PRXL2A: variants seen among roughly 807,000 people sequenced by gnomAD.
PRXL2A encodes the protein peroxiredoxin like 2A.
In PRXL2A, 26 loss-of-function variants were observed where a neutral mutation model predicts 25.6. The observed-to-expected ratio is 1.02, with a 90% CI of 0.74 to 1.41. PRXL2A has a LOEUF of 1.41. Among genes scored for constraint, PRXL2A ranks in the 40% most tolerant of loss-of-function variants. PRXL2A has a pLI of 0.00. For missense variants in PRXL2A, 246 were observed against 273.9 expected (o/e 0.90, Z 0.72); for synonymous variants, 98 against 102.9 (o/e 0.95, Z 0.29).
At chr10:80,430,519 A>G (rs1845218380) in intron 5 of PRXL2A, among the ~76,000 whole-genome samples, 1 of 152,176 alleles carries the variant, frequency 6.6e-6, no homozygotes, top group African/African-American at 2.4e-5. Flanking sequence ...GGTGACATGC[A>G]CCTGTAGTCC....
intron 5 of PRXL2A, among the ~76,000 whole-genome samples, chr10:80,428,457 C>T (rs1845127563): frequency 6.6e-6 from 1 of 152,150 alleles, no homozygotes; most frequent in Admixed American, 6.6e-5. Flanking sequence ...CCAGGAGTTC[C>T]AGACCAGACC....
intron 1 of PRXL2A, among the ~76,000 whole-genome samples, chr10:80,418,109 G>A (rs1451198179): frequency 2.0e-5 from 3 of 151,670 alleles, no homozygotes; most frequent in African/African-American, 7.3e-5. Flanking sequence ...GATGGAGACT[G>A]GGCTTTTAGT....
At chr10:80,426,062 G>C in intron 4 of PRXL2A, 56 bp downstream of exon 4, 1 of 1,604,578 alleles carries the variant, frequency 6.2e-7, no homozygotes, top group Non-Finnish European at 8.5e-7. Flanking sequence ...GCTCAGCTGT[G>C]TGATAGTCAG....
chr10:80,420,333 C>A (rs2131892505), intron 1 of PRXL2A, 133 bp from the exon 2 acceptor site: 3 of 1,443,926 alleles, frequency 2.1e-6, no homozygotes, highest in Non-Finnish European at 1.8e-6. Context: ...TCCAGTCTCG[C>A]CTGTGACACT....
rs1845393586 is a variant in PRXL2A, at chr10:80,436,071, G to T, written c.*3972G>T. ...GCGGGGGTTGGGGGCGGGGTGCAGT[G>T]TAAAAATTATTAAATCAGAATCTCT... On this transcript the variant is annotated 3_prime_UTR_variant, in exon 6 of 6. Transcript: ENST00000606162. 4.7e-5 allele frequency: 7 copies of T among 148,750 alleles called. No homozygotes were observed. The allele number at this position is 148,750 out of a possible 1,614,324, so 9.2% of individuals were successfully genotyped here.
intron 1 of PRXL2A, among the ~76,000 whole-genome samples, chr10:80,411,695 A>C (rs1844480341): frequency 6.6e-6 from 1 of 152,208 alleles, no homozygotes; most frequent in Non-Finnish European, 1.5e-5. Context: ...AGAGGGAAAC[A>C]GAGGAGACCA....
At chr10:80,420,249 T>C in intron 1 of PRXL2A, 5 of 1,243,994 alleles carry the variant, frequency 4.0e-6, no homozygotes, top group Non-Finnish European at 5.0e-6. Context: ...CCTGGTGAGC[T>C]CCACGGTGCA....
chr10:80,412,783 C>G (rs996490174), intron 1 of PRXL2A, among the ~76,000 whole-genome samples: 2 of 152,150 alleles, frequency 1.3e-5, no homozygotes, highest in Non-Finnish European at 2.9e-5. Context: ...GCAACACTTG[C>G]TGAAGCCAAG....
rs139725530 is a variant in PRXL2A, at chr10:80,427,610, C to T, written c.576+114C>T. ...TCCCTGTTTTGGGTCTCCTAGCCTT[C>T]CTTCTAGCAAGCCAGGGAACATGAA... On this transcript the variant is annotated intron_variant, in intron 5 of 5. Transcript: ENST00000606162. 29 of 1,019,340 alleles carry T rather than the reference C, an allele frequency of 2.8e-5. No individual in the cohort carries two copies. The African/African-American group carries it at 3.7e-4, about 13-fold the overall frequency. The allele number at this position is 1,019,340 out of a possible 1,614,324, so 63.1% of individuals were successfully genotyped here.
Position 80,420,522 on chromosome 10 carries a change from G to A in PRXL2A, c.55G>A (p.Ala19Thr), listed in dbSNP as rs371829927. The A allele has an allele frequency of 7.4e-6, 12 of 1,613,414 alleles. No homozygotes were observed. The highest frequency in any genetic ancestry group is 1.0e-5 in the Non-Finnish European group (12 of 1,179,718). ...CACCATGGGGATGTGGTCCATTGGT[G>A]CAGGAGCCCTGGGGGCTGCTGCCTT... ...FFTMGMWSIG[A>T]GALGAAALAL... The change falls in exon 2 of 6, where the codon GCA becomes ACA. Residue 19 changes from alanine to threonine, a missense_variant. Physicochemically the swap from Ala to Thr is moderately conservative, Grantham distance 58. Transcript: ENST00000606162.
chr10:80,417,304 A>G (rs1487854372), intron 1 of PRXL2A, among the ~76,000 whole-genome samples: 1 of 152,228 alleles, frequency 6.6e-6, no homozygotes, highest in Non-Finnish European at 1.5e-5. Flanking sequence ...TCTTTAAGAA[A>G]AATCCTGGGA....
intron 1 of PRXL2A, among the ~76,000 whole-genome samples, chr10:80,419,242 C>T (rs2131890188): frequency 6.6e-6 from 1 of 152,190 alleles, no homozygotes; most frequent in East Asian, 1.9e-4. Flanking sequence ...CCTCGGCCTC[C>T]CAAAGTGCTG....
At chr10:80,430,731 C>T (rs1315306553) in intron 5 of PRXL2A, among the ~76,000 whole-genome samples, 3 of 152,202 alleles carry the variant, frequency 2.0e-5, no homozygotes, top group Non-Finnish European at 4.4e-5. Flanking sequence ...ATCCTATGAG[C>T]TCAGCCACCG....
At position 80,422,421 on chromosome 10, in the gene PRXL2A, A is replaced by C; in HGVS notation, c.183A>C (p.Pro61=). The change falls in exon 3 of 6, where the codon CCA becomes CCC. Residue 61 remains proline, a synonymous_variant. Transcript: ENST00000606162. ...DIDLKTLEKE[P]RTFKAKELWE... Reference sequence around the variant, plus strand: ...TTTCTTTTTTTCCTCTCTTAGAACCAAGGACTTTCAAAGCAAAGGAGCTAT... The same window carrying C: ...TTTCTTTTTTTCCTCTCTTAGAACCCAGGACTTTCAAAGCAAAGGAGCTAT... The C allele has an allele frequency of 6.2e-7, 1 of 1,613,630 alleles. No individual in the cohort carries two copies. The highest frequency in any genetic ancestry group is 8.5e-7 in the Non-Finnish European group (1 of 1,179,552).
rs1161973189 is a variant in PRXL2A at position 80,435,753 on chromosome 10, C to T, written c.*3654C>T. On this transcript the variant is annotated 3_prime_UTR_variant, in exon 6 of 6. Transcript: ENST00000606162. ...GTGTAAGCCACCACACGTGGCCAGC[C>T]TCTGCATTTCTAACAGGTTCCAGGT... 1 of 152,260 alleles carries T rather than the reference C, an allele frequency of 6.6e-6. No homozygotes were observed. Among genetic ancestry groups the T allele is most frequent in the Non-Finnish European group, 1.5e-5 (1 of 68,110 alleles). 9.4% of individuals were successfully genotyped at this position (152,260 alleles called of 1,614,324 possible). A position where few individuals can be genotyped will look rare whatever the true frequency, so the allele number is the denominator to read the frequency against.
At chr10:80,429,390 G>T (rs929160678) in intron 5 of PRXL2A, among the ~76,000 whole-genome samples, 1 of 152,126 alleles carries the variant, frequency 6.6e-6, no homozygotes, top group African/African-American at 2.4e-5. Context: ...AGGATGTTAG[G>T]CATTTTTATT....
rs573313304 is a variant in PRXL2A at position 80,414,666 on chromosome 10, T to G, written c.-2-5800T>G. On this transcript the variant is annotated intron_variant, in intron 1 of 5. Transcript: ENST00000606162. ...GCTTTGGAGTCCTATTCCTGTTGAC[T>G]TGGGTCCAGGTTGTAGTACTGCTGC... 7.2e-5 allele frequency among the ~76,000 whole-genome samples: 11 copies of G among 152,328 alleles called. No individual in the cohort carries two copies. In the East Asian group the frequency reaches 1.2e-3, roughly 16 times the overall value.
chr10:80,429,660 CCCTGCCCCTA>C (rs1845180467), intron 5 of PRXL2A, among the ~76,000 whole-genome samples: 1 of 147,512 alleles, frequency 6.8e-6, no homozygotes, highest in African/African-American at 2.5e-5. Context: ...TCCTGCCCTT[CCCTGCCCCTA>C]GCCTCTCCTG....
chr10:80,430,205 G>A (rs1225967023), intron 5 of PRXL2A, among the ~76,000 whole-genome samples: 4 of 144,682 alleles, frequency 2.8e-5, no homozygotes, highest in African/African-American at 5.2e-5. Flanking sequence ...GGGTTCAAGC[G>A]ATTCTCCTGC....
Sources: gnomAD v4.1 joint callset for allele counts (sites outside exome capture counted in the v4.1 genomes callset) on GRCh38, gnomAD v4.1.1 for gene constraint, MANE v1.5 for transcripts, NCBI Gene and HGNC (gene_info 2026-07-23, HGNC 2026-07-21) for gene names.